Variants in PDE4D observed in about 807,000 individuals in gnomAD.
PDE4D encodes 3',5'-cyclic-AMP phosphodiesterase 4D.
Under a neutral mutation model 87.4 loss-of-function variants are expected in PDE4D, and 24 were observed. The observed-to-expected ratio is 0.27, with a 90% confidence interval of 0.20 to 0.39. PDE4D has a LOEUF of 0.39. PDE4D is among the 10% of genes least tolerant of loss of function. PDE4D has a pLI of 1.00. For synonymous variants in PDE4D, 384 were observed against 383.2 expected (o/e 1.00, Z -0.02); for missense variants, 714 against 1,041.0 (o/e 0.69, Z 4.32).
At chr5:59,649,793 T>C (rs549944517) in intron 1 of PDE4D, among the ~76,000 whole-genome samples, 1 of 148,956 alleles carries the variant, frequency 6.7e-6, no homozygotes, top group Admixed American at 6.8e-5. Flanking sequence ...GTTTGTTGCA[T>C]GAATGAAGAA....
intron 2 of PDE4D, among the ~76,000 whole-genome samples, chr5:60,146,636 G>A (rs569117025): frequency 4.7e-4 from 71 of 152,136 alleles, no homozygotes; most frequent in African/African-American, 1.6e-3. Context: ...GGAATGCATC[G>A]AACTAAAAGC....
intron 1 of PDE4D, among the ~76,000 whole-genome samples, chr5:60,207,047 G>C (rs1260914006): frequency 6.6e-6 from 1 of 152,178 alleles, no homozygotes; most frequent in Admixed American, 6.5e-5. Context: ...TTTACAGGTG[G>C]ATCTTACAGA....
intron 1 of PDE4D, among the ~76,000 whole-genome samples, chr5:59,613,817 AG>A (rs1262354363): frequency 2.0e-5 from 3 of 152,192 alleles, no homozygotes; most frequent in African/African-American, 7.2e-5. Flanking sequence ...GAGAAACAAG[AG>A]GAAAGAACAA....
At chr5:60,484,981 A>T (rs761028127) in intron 1 of PDE4D, among the ~76,000 whole-genome samples, 20 of 152,178 alleles carry the variant, frequency 1.3e-4, no homozygotes, top group Non-Finnish European at 2.8e-4. Context: ...AAAACGTTTC[A>T]TGGCCTGAGC....
At chr5:60,240,300 C>T (rs971189572) in intron 1 of PDE4D, among the ~76,000 whole-genome samples, 7 of 151,984 alleles carry the variant, frequency 4.6e-5, no homozygotes, top group African/African-American at 1.7e-4. Flanking sequence ...TAACAACTAT[C>T]TAGGCAAAAA....
chr5:59,609,145 T>C (rs1304592997), intron 1 of PDE4D, among the ~76,000 whole-genome samples: 2 of 152,096 alleles, frequency 1.3e-5, no homozygotes, highest in African/African-American at 2.4e-5. Context: ...TAGAGAGATA[T>C]GTCATAAAAG....
At chr5:59,031,694 C>T (rs1340946328) in intron 6 of PDE4D, among the ~76,000 whole-genome samples, 1 of 106,806 alleles carries the variant, frequency 9.4e-6, no homozygotes, top group Admixed American at 1.4e-4. Context: ...GGCTACAAAG[C>T]GAGACTCCAC....
chr5:60,176,626 T>C (rs1783919351), intron 2 of PDE4D, among the ~76,000 whole-genome samples: 1 of 152,170 alleles, frequency 6.6e-6, no homozygotes, highest in Non-Finnish European at 1.5e-5. Context: ...GGCTGATAAC[T>C]GATCCCAGTA....
At chr5:59,629,812 A>G (rs1831345167) in intron 1 of PDE4D, among the ~76,000 whole-genome samples, 1 of 152,238 alleles carries the variant, frequency 6.6e-6, no homozygotes, top group African/African-American at 2.4e-5. Flanking sequence ...TTTCAAGTTC[A>G]AAACTATGAA....
intron 3 of PDE4D, among the ~76,000 whole-genome samples, chr5:59,905,928 G>A (rs1752762643): frequency 6.6e-6 from 1 of 152,088 alleles, no homozygotes; most frequent in African/African-American, 2.4e-5. Flanking sequence ...AAGAGCTTCT[G>A]TATTTTAAAA....
intron 1 of PDE4D, among the ~76,000 whole-genome samples, chr5:60,346,622 C>A (rs1025554512): frequency 6.6e-6 from 1 of 152,066 alleles, no homozygotes; most frequent in African/African-American, 2.4e-5. Context: ...AGCCATGATG[C>A]AGGAATCAGA....
chr5:60,411,046 T>C (rs1349212484), intron 1 of PDE4D, among the ~76,000 whole-genome samples: 1 of 152,178 alleles, frequency 6.6e-6, no homozygotes, highest in East Asian at 1.9e-4. Context: ...ATGGAAGAAC[T>C]GACATTTGAA....
chr5:60,200,501 G>A (rs1052147903), intron 1 of PDE4D, among the ~76,000 whole-genome samples: 6 of 144,834 alleles, frequency 4.1e-5, no homozygotes. Context: ...GGGAACAATG[G>A]CTCTACAGCT....
chr5:59,317,775 A>C (rs1008571959), intron 1 of PDE4D, among the ~76,000 whole-genome samples: 1 of 152,058 alleles, frequency 6.6e-6, no homozygotes, highest in African/African-American at 2.4e-5. Flanking sequence ...AATTTCCCTT[A>C]ATTTTTTCCA....
At chr5:60,069,429 T>C (rs990221961) in intron 2 of PDE4D, among the ~76,000 whole-genome samples, 1 of 152,170 alleles carries the variant, frequency 6.6e-6, no homozygotes, top group Non-Finnish European at 1.5e-5. Flanking sequence ...AGAAATATAT[T>C]TCTGTTGTTA....
At chr5:60,479,374 A>G (rs1451938866) in intron 1 of PDE4D, among the ~76,000 whole-genome samples, 1 of 152,206 alleles carries the variant, frequency 6.6e-6, no homozygotes, top group Non-Finnish European at 1.5e-5. Context: ...CTTGACAATC[A>G]CAGCTTCACC....
intron 1 of PDE4D, among the ~76,000 whole-genome samples, chr5:59,546,992 G>C (rs182077806): frequency 3.9e-5 from 6 of 152,226 alleles, no homozygotes; most frequent in African/African-American, 1.4e-4. Context: ...ACCAACAACA[G>C]TAGTTCTTGT....
chr5:59,815,528 CT>C (rs1768876697), intron 1 of PDE4D, among the ~76,000 whole-genome samples: 1 of 152,128 alleles, frequency 6.6e-6, no homozygotes, highest in Non-Finnish European at 1.5e-5. Flanking sequence ...GTTTTTAGTT[CT>C]CAAGTGGGCA....
chr5:59,262,022 TG>T (rs1370358437), intron 1 of PDE4D, among the ~76,000 whole-genome samples: 2 of 151,902 alleles, frequency 1.3e-5, no homozygotes, highest in African/African-American at 4.8e-5. Flanking sequence ...TGTTTACCAC[TG>T]GATTTCTGGA....
Sources: gnomAD v4.1 joint callset for allele counts (sites outside exome capture counted in the v4.1 genomes callset) on GRCh38, gnomAD v4.1.1 for gene constraint, MANE v1.5 for transcripts, NCBI Gene and HGNC (gene_info 2026-07-23, HGNC 2026-07-21) for gene names.